Variants in TRPC5 observed in about 807,000 individuals in gnomAD.
The protein encoded by TRPC5 is transient receptor potential cation channel subfamily C member 5.
TRPC5 carries 9 observed loss-of-function variants against 56.5 expected under a neutral mutation model. The observed-to-expected ratio is 0.16, with a 90% CI of 0.10 to 0.28. The LOEUF (loss-of-function observed/expected upper bound fraction) is 0.28. TRPC5 is among the 10% of genes least tolerant of loss of function. The probability of loss-of-function intolerance (pLI) is 1.00; values close to 1 mark genes in which losing one functional copy is unlikely to be tolerated. For missense variants in TRPC5, 469 were observed against 748.9 expected, an observed-to-expected ratio of 0.63 and a Z score of 4.36; for synonymous variants, 282 against 278.5, an observed-to-expected ratio of 1.01 and a Z score of -0.13.
At chrX:111,995,766 A>G (rs993275739) in intron 1 of TRPC5, among the ~76,000 whole-genome samples, 4 of 111,021 alleles carry the variant, frequency 3.6e-5, no homozygotes, top group Non-Finnish European at 5.7e-5. Flanking sequence ...GGTATTTTAT[A>G]TATATTTTAT....
At chrX:111,901,209 G>T (rs990899966) in intron 3 of TRPC5, among the ~76,000 whole-genome samples, 17 of 111,715 alleles carry the variant, frequency 1.5e-4, no homozygotes, top group African/African-American at 5.2e-4. Context: ...GCAGCACCCA[G>T]ATATAAATGG....
At chrX:112,005,187 A>G (rs143157865) in intron 1 of TRPC5, among the ~76,000 whole-genome samples, 2,244 of 111,183 alleles carry the variant, frequency 0.02, 28 homozygotes, top group Middle Eastern at 0.051. Flanking sequence ...GGAAGCCATT[A>G]TCCTTAGCAG....
chrX:112,056,136 C>T (rs1930336111), intron 1 of TRPC5, among the ~76,000 whole-genome samples: 1 of 111,683 alleles, frequency 9.0e-6, no homozygotes, highest in Non-Finnish European at 1.9e-5. Context: ...GCAGGTGCAG[C>T]CCTAAATCAG....
chrX:111,944,303 T>TGTGTGTGTGTGTGTGAGA (rs1173179815), intron 2 of TRPC5, among the ~76,000 whole-genome samples: 1 of 61,373 alleles, frequency 1.6e-5, no homozygotes, highest in African/African-American at 1.1e-4. Flanking sequence ...TGTGTGTGTG[T>TGTGTGTGTGTGTGTGAGA]GAGAGAGAGA....
chrX:111,790,908 C>G (rs751678395), intron 7 of TRPC5, among the ~76,000 whole-genome samples: 3 of 106,749 alleles, frequency 2.8e-5, no homozygotes, highest in South Asian at 8.8e-4. Flanking sequence ...GTAATCCCAG[C>G]TGCTTGGGAG....
intron 2 of TRPC5, among the ~76,000 whole-genome samples, chrX:111,945,510 T>G (rs758452257): frequency 7.2e-5 from 8 of 110,377 alleles, no homozygotes; most frequent in African/African-American, 9.9e-5. Flanking sequence ...CCGACATACA[T>G]AGACACACAC....
rs763859935 is a variant in TRPC5 at position 111,952,244 on chromosome X, A to G, written c.177T>C (p.Tyr59=). 18 of 1,210,484 alleles carry G rather than the reference A, an allele frequency of 1.5e-5. No homozygotes were observed. In the Admixed American group the frequency reaches 3.9e-4, roughly 26 times the overall value. The change falls in exon 2 of 11, where the codon TAT becomes TAC. Residue 59 remains tyrosine, a synonymous_variant. Transcript: ENST00000262839. The part of the protein sequence containing the change: ...KQALQEAEIY[Y]NVNINCMDPL... Reference sequence around the variant, plus strand: ...GGTCCATGCAGTTGATGTTAACATTATAGTAGATCTCAGCCTCCTGAAGGG... The same window carrying G: ...GGTCCATGCAGTTGATGTTAACATTGTAGTAGATCTCAGCCTCCTGAAGGG...
At chrX:111,788,543 A>G (rs1405167359) in intron 7 of TRPC5, among the ~76,000 whole-genome samples, 1 of 112,009 alleles carries the variant, frequency 8.9e-6, no homozygotes, top group Non-Finnish European at 1.9e-5. Context: ...TATTCAACAT[A>G]GTGTTGGAAG....
chrX:111,901,324 C>T (rs1925333933), intron 3 of TRPC5, among the ~76,000 whole-genome samples: 1 of 111,338 alleles, frequency 9.0e-6, no homozygotes, highest in Non-Finnish European at 1.9e-5. Flanking sequence ...TCACTTTTCT[C>T]CCAAATCTCT....
intron 3 of TRPC5, among the ~76,000 whole-genome samples, chrX:111,861,790 T>A (rs1923413380): frequency 8.9e-6 from 1 of 111,869 alleles, no homozygotes; most frequent in African/African-American, 3.2e-5. Flanking sequence ...GCAATACTCT[T>A]TATGATACTG....
At chrX:111,797,730 T>C (rs1196088523) in intron 7 of TRPC5, among the ~76,000 whole-genome samples, 1 of 112,140 alleles carries the variant, frequency 8.9e-6, no homozygotes, top group East Asian at 2.8e-4. Context: ...TCATTGCGTA[T>C]GTTTTTGCTG....
At chrX:111,974,744 A>ACT (rs1321791382) in intron 1 of TRPC5, among the ~76,000 whole-genome samples, 1 of 111,280 alleles carries the variant, frequency 9.0e-6, no homozygotes. Flanking sequence ...AGCTGTCTGG[A>ACT]AAATCCCGGG....
At chrX:111,787,042 T>A (rs1945972448) in intron 7 of TRPC5, among the ~76,000 whole-genome samples, 1 of 111,644 alleles carries the variant, frequency 9.0e-6, no homozygotes, top group Non-Finnish European at 1.9e-5. Flanking sequence ...AACTCAGCTC[T>A]GAAACAAGGA....
chrX:111,960,081 C>G (rs1927335254), intron 1 of TRPC5, among the ~76,000 whole-genome samples: 1 of 111,981 alleles, frequency 8.9e-6, no homozygotes. Context: ...ACATTTTAAG[C>G]ACTCAATAGC....
At chrX:111,809,562 C>T (rs1446228785) in intron 7 of TRPC5, among the ~76,000 whole-genome samples, 3 of 112,009 alleles carry the variant, frequency 2.7e-5, no homozygotes, top group Non-Finnish European at 3.8e-5. Context: ...GTCGGGAATG[C>T]GTGACTGTCT....
chrX:111,945,219 C>T (rs1926902918), intron 2 of TRPC5, among the ~76,000 whole-genome samples: 2 of 108,837 alleles, frequency 1.8e-5, no homozygotes, highest in African/African-American at 3.4e-5. Context: ...TAACAGTACT[C>T]CTCTAGTGGT....
At chrX:111,844,272 C>T (rs1922855287) in intron 6 of TRPC5, among the ~76,000 whole-genome samples, 1 of 110,230 alleles carries the variant, frequency 9.1e-6, no homozygotes, top group Non-Finnish European at 1.9e-5. Context: ...AGTCCTTTGT[C>T]TTCAGAATGA....
chrX:111,805,982 A>G (rs1417733273), intron 7 of TRPC5, among the ~76,000 whole-genome samples: 1 of 111,291 alleles, frequency 9.0e-6, no homozygotes, highest in African/African-American at 3.3e-5. Context: ...AAATTGCTAA[A>G]TCTGCAGCTC....
chrX:111,913,663 A>G (rs927697451), intron 2 of TRPC5, among the ~76,000 whole-genome samples: 2 of 111,549 alleles, frequency 1.8e-5, no homozygotes, highest in Non-Finnish European at 3.8e-5. Context: ...AAATCTTTCG[A>G]CTTTAAAATG....
Sources: allele counts gnomAD v4.1 joint callset (sites outside exome capture counted in the v4.1 genomes callset), GRCh38; gene constraint gnomAD v4.1.1; transcripts MANE v1.5; gene names NCBI Gene and HGNC (gene_info 2026-07-23, HGNC 2026-07-21).